SORCS1: variants seen among roughly 807,000 people sequenced by gnomAD.
The protein encoded by SORCS1 is VPS10 domain-containing receptor SorCS1.
Under a neutral mutation model 146.1 loss-of-function variants are expected in SORCS1, and 60 were observed. That is an observed-to-expected ratio of 0.41 (90% CI 0.33 to 0.51). The LOEUF is 0.51. Ranked by LOEUF, SORCS1 falls within the 20% of genes least tolerant of loss-of-function variation. The pLI, the probability that SORCS1 is intolerant of heterozygous loss-of-function variation, is 0.21. For missense variants in SORCS1, 1,352 were observed against 1,487.6 expected (o/e 0.91, Z 1.50); for synonymous variants, 637 against 584.0 (o/e 1.09, Z -1.31).
chr10:106,854,139 G>C (rs1481260828), intron 2 of SORCS1, among the ~76,000 whole-genome samples: 1 of 151,776 alleles, frequency 6.6e-6, no homozygotes, highest in Non-Finnish European at 1.5e-5. Flanking sequence ...CTCATGTTAG[G>C]CATGTGCATA....
At chr10:106,596,169 C>G (rs895524307) in intron 24 of SORCS1, among the ~76,000 whole-genome samples, 2 of 152,106 alleles carry the variant, frequency 1.3e-5, no homozygotes, top group South Asian at 2.1e-4. Context: ...TACGTAGTCT[C>G]TCTCTCTATA....
At chr10:106,983,294 A>G (rs2139371368) in intron 1 of SORCS1, among the ~76,000 whole-genome samples, 1 of 149,752 alleles carries the variant, frequency 6.7e-6, no homozygotes, top group East Asian at 1.9e-4. Flanking sequence ...TTCTATTCTT[A>G]GAAATTAACA....
At chr10:106,747,340 A>G (rs1857814474) in intron 5 of SORCS1, among the ~76,000 whole-genome samples, 1 of 152,236 alleles carries the variant, frequency 6.6e-6, no homozygotes, top group Non-Finnish European at 1.5e-5. Flanking sequence ...ACCAAGTTCC[A>G]TTCCCAAACC....
chr10:106,677,426 A>G (rs753533356), intron 12 of SORCS1, 22 bp from the exon 13 acceptor site: 1 of 1,596,348 alleles, frequency 6.3e-7, no homozygotes, highest in South Asian at 1.1e-5. Context: ...AAACACATAC[A>G]TGGACACACA....
intron 1 of SORCS1, among the ~76,000 whole-genome samples, chr10:106,975,931 T>C (rs1373424329): frequency 1.3e-5 from 2 of 152,098 alleles, no homozygotes; most frequent in African/African-American, 4.8e-5. Flanking sequence ...GTGGATCACC[T>C]GAGGTCAGGA....
chr10:106,803,282 T>C (rs1947002002), intron 3 of SORCS1, among the ~76,000 whole-genome samples: 1 of 152,192 alleles, frequency 6.6e-6, no homozygotes, highest in Non-Finnish European at 1.5e-5. Flanking sequence ...AACAAAATTA[T>C]TCATTTACAT....
chr10:106,859,128 T>TA (rs1322016481), intron 2 of SORCS1, among the ~76,000 whole-genome samples: 2 of 152,210 alleles, frequency 1.3e-5, no homozygotes, highest in African/African-American at 4.8e-5. Context: ...ATAGGGCACG[T>TA]ATTCCTTCTC....
intron 6 of SORCS1, among the ~76,000 whole-genome samples, chr10:106,717,901 T>C (rs140388372): frequency 6.6e-6 from 1 of 152,368 alleles, no homozygotes; most frequent in African/African-American, 2.4e-5. Context: ...CTAGAAACTT[T>C]TCCTGTGACT....
At chr10:106,752,199 A>G (rs1020850784) in intron 5 of SORCS1, among the ~76,000 whole-genome samples, 1 of 152,182 alleles carries the variant, frequency 6.6e-6, no homozygotes, top group Non-Finnish European at 1.5e-5. Flanking sequence ...AATCTGGTAC[A>G]TGGTATGATA....
At chr10:107,096,077 A>G (rs1287695960) in intron 1 of SORCS1, among the ~76,000 whole-genome samples, 2 of 152,222 alleles carry the variant, frequency 1.3e-5, no homozygotes, top group African/African-American at 4.8e-5. Flanking sequence ...ATCCATTATA[A>G]GATTACACAG....
chr10:106,640,382 AT>A (rs1848997549), intron 18 of SORCS1, among the ~76,000 whole-genome samples: 2 of 152,352 alleles, frequency 1.3e-5, no homozygotes, highest in South Asian at 4.1e-4. Flanking sequence ...AATTTTCCTT[AT>A]TAAGTTTCAG....
chr10:107,100,852 AAAT>A (rs144269868), intron 1 of SORCS1, among the ~76,000 whole-genome samples: 5,141 of 152,306 alleles, frequency 0.034, 256 homozygotes, highest in African/African-American at 0.11. Context: ...CTCTTTGAGA[AAAT>A]AATAATTCTT....
chr10:106,928,617 G>A (rs1430723367), intron 2 of SORCS1, among the ~76,000 whole-genome samples: 1 of 152,210 alleles, frequency 6.6e-6, no homozygotes, highest in Non-Finnish European at 1.5e-5. Flanking sequence ...CGCTGAGAGC[G>A]AGCGAGGGCT....
intron 1 of SORCS1, among the ~76,000 whole-genome samples, chr10:107,045,743 G>GTGTGTA (rs1445696090): frequency 6.7e-6 from 1 of 149,996 alleles, no homozygotes; most frequent in Non-Finnish European, 1.5e-5. Context: ...ATATTTATGT[G>GTGTGTA]TGTGTATGTG....
intron 12 of SORCS1, among the ~76,000 whole-genome samples, chr10:106,678,489 C>G (rs12242446): frequency 0.052 from 7,880 of 152,222 alleles, 672 homozygotes; most frequent in African/African-American, 0.18. Context: ...GCTCTCATCA[C>G]TAAGTGTGAT....
At chr10:107,073,324 T>C (rs1962600273) in intron 1 of SORCS1, among the ~76,000 whole-genome samples, 1 of 152,202 alleles carries the variant, frequency 6.6e-6, no homozygotes, top group African/African-American at 2.4e-5. Context: ...TGAATCTCCA[T>C]AGGCATTCAT....
chr10:106,773,144 T>G (rs1860155689), intron 4 of SORCS1, among the ~76,000 whole-genome samples: 1 of 152,178 alleles, frequency 6.6e-6, no homozygotes, highest in Admixed American at 6.5e-5. Context: ...CCAGCAGAGA[T>G]AATACTAAGT....
rs539420325 is a variant in SORCS1, at chr10:106,650,614, A to AT, written c.2475+1767dup. 5.8e-4 allele frequency among the ~76,000 whole-genome samples: 89 copies of AT among 152,232 alleles called. 2 individuals are homozygous for AT. In the South Asian group the frequency reaches 0.018, roughly 30 times the overall value. Reference sequence around the variant, plus strand: ...AGCTTTGGAATATCCTCAAAGTCCAATTTTTATCTCCCAAGCCTTGTGAGT... The same window carrying AT: ...AGCTTTGGAATATCCTCAAAGTCCAATTTTTTATCTCCCAAGCCTTGTGAGT... On this transcript the variant is annotated intron_variant, in intron 18 of 25. Coordinates refer to ENST00000263054, the MANE Select transcript of SORCS1 (RefSeq NM_052918.5).
intron 2 of SORCS1, among the ~76,000 whole-genome samples, chr10:106,897,305 C>T (rs1489150791): frequency 6.6e-6 from 1 of 152,152 alleles, no homozygotes; most frequent in Non-Finnish European, 1.5e-5. Flanking sequence ...GCTGTGATTA[C>T]AGGCATAAGC....
Sources: allele counts gnomAD v4.1 joint callset (sites outside exome capture counted in the v4.1 genomes callset), GRCh38; gene constraint gnomAD v4.1.1; transcripts MANE v1.5; gene names NCBI Gene and HGNC (gene_info 2026-07-23, HGNC 2026-07-21).